XKR4: variants seen among roughly 807,000 people sequenced by gnomAD.
The protein encoded by XKR4 is XK related 4, also known as XK-related protein 4.
In XKR4, 12 loss-of-function variants were observed where a neutral mutation model predicts 53.9. The ratio of observed to expected loss-of-function variants is 0.22; its 90% confidence interval spans 0.14 to 0.36. The LOEUF is 0.36. Among genes scored for constraint, XKR4 ranks in the 10% least tolerant of loss-of-function variants. XKR4 has a pLI of 1.00. For missense variants in XKR4, 799 were observed against 859.5 expected, an observed-to-expected ratio of 0.93 and a Z score of 0.88; for synonymous variants, 354 against 362.4, an observed-to-expected ratio of 0.98 and a Z score of 0.26.
chr8:55,396,391 TTTGTTTGG>T (rs1804518243), intron 2 of XKR4, among the ~76,000 whole-genome samples: 2 of 99,644 alleles, frequency 2.0e-5, no homozygotes, highest in Non-Finnish European at 3.7e-5. Flanking sequence ...GTGTTTTTTT[TTTGTTTGG>T]TTTTTTTTTT....
intron 1 of XKR4, among the ~76,000 whole-genome samples, chr8:55,332,042 G>A (rs1803390367): frequency 1.3e-5 from 2 of 151,958 alleles, no homozygotes; most frequent in South Asian, 4.1e-4. Flanking sequence ...GCCCTCCTTA[G>A]TATTTAGTTG....
chr8:55,326,151 A>AG (rs1271776055), intron 1 of XKR4, among the ~76,000 whole-genome samples: 1 of 152,188 alleles, frequency 6.6e-6, no homozygotes, highest in African/African-American at 2.4e-5. Flanking sequence ...ATAAATACAG[A>AG]GGAAAGAATA....
intron 1 of XKR4, among the ~76,000 whole-genome samples, chr8:55,284,150 G>T (rs539610692): frequency 6.6e-6 from 1 of 152,226 alleles, no homozygotes; most frequent in South Asian, 2.1e-4. Flanking sequence ...GATGGCCAAG[G>T]TGTTAGGTTT....
chr8:55,426,975 G>A (rs1472865598), intron 2 of XKR4, among the ~76,000 whole-genome samples: 3 of 152,154 alleles, frequency 2.0e-5, no homozygotes, highest in African/African-American at 7.2e-5. Context: ...ACTGCCTACA[G>A]TTGCTATTCA....
At position 55,265,708 on chromosome 8, in the gene XKR4, G is replaced by A. The variant is rs556843805; in HGVS notation, c.807-91970G>A. Among the ~76,000 whole-genome samples the A allele has an allele frequency of 7.8e-4, 118 of 152,106 alleles. 1 individual carries two copies. The highest frequency in any genetic ancestry group is 2.5e-3 in the African/African-American group (105 of 41,512). On this transcript the variant is annotated intron_variant, in intron 1 of 2. Coordinates refer to ENST00000327381, the MANE Select transcript of XKR4 (RefSeq NM_052898.2). ...TCTATAAAAATTCCTGGCTGGGCAC[G>A]ATGGCTCTTGCCTGTAATCCCAGCA...
chr8:55,153,441 A>G (rs562652660), intron 1 of XKR4, among the ~76,000 whole-genome samples: 76 of 152,194 alleles, frequency 5.0e-4, no homozygotes, highest in Non-Finnish European at 1.0e-3. Flanking sequence ...AAGAACATAT[A>G]CACCAACATT....
intron 1 of XKR4, among the ~76,000 whole-genome samples, chr8:55,116,418 T>G (rs758567369): frequency 1.2e-4 from 18 of 152,138 alleles, no homozygotes; most frequent in Admixed American, 3.9e-4. Context: ...CAGTGACCCC[T>G]GAGGCCCACA....
chr8:55,123,793 C>T, intron 1 of XKR4, among the ~76,000 whole-genome samples: 1 of 152,234 alleles, frequency 6.6e-6, no homozygotes, highest in East Asian at 1.9e-4. Context: ...ATTGATTTAT[C>T]AGTGTGCTGA....
chr8:55,422,154 T>C (rs543856659), intron 2 of XKR4, among the ~76,000 whole-genome samples: 1 of 152,252 alleles, frequency 6.6e-6, no homozygotes, highest in South Asian at 2.1e-4. Context: ...AATTCATAAA[T>C]AAAATTGGCA....
chr8:55,340,855 A>G (rs1393756553), intron 1 of XKR4, among the ~76,000 whole-genome samples: 1 of 152,204 alleles, frequency 6.6e-6, no homozygotes, highest in Non-Finnish European at 1.5e-5. Flanking sequence ...CAGTAGGGAC[A>G]TGAAGGACCA....
chr8:55,205,482 C>T (rs1025849725), intron 1 of XKR4, among the ~76,000 whole-genome samples: 3 of 151,972 alleles, frequency 2.0e-5, no homozygotes, highest in African/African-American at 4.8e-5. Context: ...GACAACAAAC[C>T]GGAAACAGCA....
chr8:55,251,304 A>G (rs1237554812), intron 1 of XKR4, among the ~76,000 whole-genome samples: 5 of 152,248 alleles, frequency 3.3e-5, no homozygotes, highest in East Asian at 1.9e-4. Context: ...ATCCAGAACT[A>G]TGAAAATCGC....
At chr8:55,474,081 AT>A (rs1805937665) in intron 2 of XKR4, among the ~76,000 whole-genome samples, 1 of 151,826 alleles carries the variant, frequency 6.6e-6, no homozygotes, top group Non-Finnish European at 1.5e-5. Context: ...ATTTTATTTA[AT>A]TTTATTTTTA....
chr8:55,212,590 A>T (rs1406285182), intron 1 of XKR4, among the ~76,000 whole-genome samples: 1 of 152,196 alleles, frequency 6.6e-6, no homozygotes, highest in East Asian at 1.9e-4. Flanking sequence ...GGTTTACTTT[A>T]AAATGCCATT....
intron 2 of XKR4, among the ~76,000 whole-genome samples, chr8:55,439,538 G>A (rs186743797): frequency 1.3e-5 from 2 of 152,114 alleles, no homozygotes; most frequent in Admixed American, 6.5e-5. Context: ...GGTAGAGTAG[G>A]GACAAATACA....
intron 1 of XKR4, among the ~76,000 whole-genome samples, chr8:55,154,907 T>A (rs1057238997): frequency 6.6e-6 from 1 of 152,226 alleles, no homozygotes; most frequent in African/African-American, 2.4e-5. Context: ...ATAAAATTTA[T>A]ATTCACACAG....
At chr8:55,364,737 A>G (rs1264481444) in intron 2 of XKR4, among the ~76,000 whole-genome samples, 1 of 152,048 alleles carries the variant, frequency 6.6e-6, no homozygotes. Context: ...AATTCAATCA[A>G]TTCTCCTGCC....
intron 2 of XKR4, among the ~76,000 whole-genome samples, chr8:55,432,430 G>A (rs1382953425): frequency 1.2e-4 from 18 of 152,182 alleles, no homozygotes; most frequent in Admixed American, 1.1e-3. Context: ...GGCCTTTAGT[G>A]CCCCTGTGCT....
At chr8:55,237,639 C>G (rs888323317) in intron 1 of XKR4, among the ~76,000 whole-genome samples, 10 of 152,148 alleles carry the variant, frequency 6.6e-5, no homozygotes, top group African/African-American at 2.4e-4. Context: ...ATCTCCACTA[C>G]TTTCACATCT....
Sources: gnomAD v4.1 joint callset for allele counts (sites outside exome capture counted in the v4.1 genomes callset) on GRCh38, gnomAD v4.1.1 for gene constraint, MANE v1.5 for transcripts, NCBI Gene and HGNC (gene_info 2026-07-23, HGNC 2026-07-21) for gene names.